The following KLRG1 variants were observed in gnomAD, a reference collection of about 807,000 sequenced individuals.
The protein encoded by KLRG1 is killer cell lectin like receptor G1.
Under a neutral mutation model 21.8 loss-of-function variants are expected in KLRG1, and 16 were observed. The observed-to-expected ratio is 0.73, with a 90% CI of 0.50 to 1.11. KLRG1 has a LOEUF of 1.11. Ranked by LOEUF, KLRG1 falls within the 50% of genes most tolerant of loss-of-function variation. KLRG1 has a pLI of 0.00. For missense variants in KLRG1, 173 were observed against 218.3 expected, an observed-to-expected ratio of 0.79 and a Z score of 1.31; for synonymous variants, 69 against 75.9, an observed-to-expected ratio of 0.91 and a Z score of 0.47.
the KLRG1 span, chr12:9,067,504 A>G: frequency 0.011 from 4,599 of 411,376 alleles, 172 homozygotes; most frequent in African/African-American, 0.084. Context: ...AACACACTTT[A>G]CACTTTCCTA....
the KLRG1 span, chr12:9,029,127 C>T: frequency 3.6e-5 from 13 of 359,962 alleles, no homozygotes; most frequent in Admixed American, 1.7e-4. Flanking sequence ...GATGCTTCCT[C>T]GGTGGTGTCC....
the KLRG1 span, chr12:9,182,114 T>C: frequency 8.6e-6 from 9 of 1,049,982 alleles, no homozygotes; most frequent in Non-Finnish European, 1.1e-5. Context: ...AAAACTGCCT[T>C]TCACTGGAAC....
At chr12:9,107,435 C>T in the KLRG1 span, 2 of 1,490,044 alleles carry the variant, frequency 1.3e-6, no homozygotes, top group Non-Finnish European at 1.8e-6. Context: ...CTAGATTGTT[C>T]TCTTCCTGCG....
intron 1 of KLRG1, chr12:8,990,285 T>A (rs755087536): frequency 6.6e-6 from 1 of 152,218 alleles, no homozygotes; most frequent in Admixed American, 6.5e-5. Context: ...GACTGAGGAT[T>A]TGAAGGCAAA....
chr12:9,177,134 T>C, the KLRG1 span, among the ~76,000 whole-genome samples: 60 of 152,278 alleles, frequency 3.9e-4, no homozygotes, highest in East Asian at 8.1e-3. Context: ...ATGAATAGGG[T>C]TGACCTCTGT....
the KLRG1 span, chr12:9,089,363 T>C: frequency 1.3e-6 from 1 of 797,380 alleles, no homozygotes; most frequent in Non-Finnish European, 2.1e-6. Context: ...TGAACTGTAT[T>C]ATCTAAGAAA....
chr12:9,175,193 A>G, the KLRG1 span, among the ~76,000 whole-genome samples: 12,656 of 152,294 alleles, frequency 0.083, 720 homozygotes, highest in African/African-American at 0.16. Context: ...CAAACTTGAC[A>G]AAAACAAGCA....
the KLRG1 span, among the ~76,000 whole-genome samples, chr12:9,049,952 C>T: frequency 6.6e-6 from 1 of 152,138 alleles, no homozygotes; most frequent in Non-Finnish European, 1.5e-5. Context: ...TCATAGTACT[C>T]CCCCATTCCT....
At chr12:9,027,838 T>G in the KLRG1 span, 8 of 1,049,316 alleles carry the variant, frequency 7.6e-6, no homozygotes, top group Non-Finnish European at 2.9e-6. Flanking sequence ...TTTTCTCCAC[T>G]ACCAAAGTTG....
chr12:9,100,028 A>G, the KLRG1 span, among the ~76,000 whole-genome samples: 1 of 152,198 alleles, frequency 6.6e-6, no homozygotes, highest in Non-Finnish European at 1.5e-5. Flanking sequence ...CTGTGTTGCT[A>G]CAAGAACTAA....
the KLRG1 span, chr12:9,093,431 T>G: frequency 7.0e-7 from 1 of 1,421,264 alleles, no homozygotes; most frequent in Non-Finnish European, 9.9e-7. Context: ...GGGACCTCTA[T>G]TGTTGCATAT....
the KLRG1 span, chr12:9,165,328 G>A: frequency 6.4e-5 from 103 of 1,614,036 alleles, 1 homozygote; most frequent in Admixed American, 1.7e-3. Flanking sequence ...CGGTGATGGT[G>A]TCAGGGACTG....
rs1247804071 is a variant in KLRG1, at chr12:8,978,640, T to TTTTCTTTCTTTCCTTCTTTCTTTC, written c.-155-13554_-155-13553insCTTCTTTCTTTCTTTCTTTCTTTC. On this transcript the variant is annotated intron_variant, in intron 1 of 4. Coordinates refer to the KLRG1 transcript ENST00000539240. ...CAGTCTTTCTTTTTCTTTTTCTTTC[T>TTTTCTTTCTTTCCTTCTTTCTTTC]TTTCTTTCTTTCTTTCTTTCTTTCT... Among the ~76,000 whole-genome samples the TTTTCTTTCTTTCCTTCTTTCTTTC allele has an allele frequency of 9.3e-5, 10 of 107,904 alleles. 1 individual carries two copies. Among genetic ancestry groups the TTTTCTTTCTTTCCTTCTTTCTTTC allele is most frequent in the African/African-American group, 3.0e-4 (10 of 33,330 alleles). The allele number at this position is 107,904 out of a possible 152,430, so 70.8% of individuals were successfully genotyped here.
downstream of KLRG1, among the ~76,000 whole-genome samples, chr12:9,013,412 A>G (rs2137466263): frequency 6.6e-6 from 1 of 152,350 alleles, no homozygotes; most frequent in East Asian, 1.9e-4. Context: ...ATGCAGAGAT[A>G]TGACCATTCA....
At chr12:9,194,363 A>C in the KLRG1 span, 1 of 765,858 alleles carries the variant, frequency 1.3e-6, no homozygotes, top group Non-Finnish European at 2.0e-6. Context: ...ACCCCACCAA[A>C]CCTTCATATT....
At chr12:9,144,539 A>T in the KLRG1 span, among the ~76,000 whole-genome samples, 1 of 151,888 alleles carries the variant, frequency 6.6e-6, no homozygotes, top group African/African-American at 2.4e-5. Context: ...AAGAAAGAGG[A>T]AAGAAACACG....
chr12:9,125,931 C>CTACTAA, the KLRG1 span, among the ~76,000 whole-genome samples: 422 of 152,282 alleles, frequency 2.8e-3, 2 homozygotes, highest in African/African-American at 9.5e-3. Flanking sequence ...GACGGGGTTT[C>CTACTAA]ACCATATTGG....
chr12:9,160,766 T>G, the KLRG1 span, among the ~76,000 whole-genome samples: 4 of 151,886 alleles, frequency 2.6e-5, no homozygotes, highest in Non-Finnish European at 5.9e-5. Flanking sequence ...TACAAAAAAA[T>G]TAGCCGGGCG....
chr12:8,984,326 C>A (rs1946807618), intron 1 of KLRG1, among the ~76,000 whole-genome samples: 1 of 152,158 alleles, frequency 6.6e-6, no homozygotes, highest in African/African-American at 2.4e-5. Flanking sequence ...CCTCAGCCTC[C>A]TGAGCAGCTG....
Sources: gnomAD v4.1 joint callset for allele counts (sites outside exome capture counted in the v4.1 genomes callset) on GRCh38, gnomAD v4.1.1 for gene constraint, MANE v1.5 for transcripts, NCBI Gene and HGNC (gene_info 2026-07-23, HGNC 2026-07-21) for gene names.